Variants in PLD2 observed in about 807,000 individuals in gnomAD.
The protein encoded by PLD2 is phospholipase D2.
A neutral mutation model predicts 119.8 loss-of-function variants in PLD2; 101 were observed. That is an observed-to-expected ratio of 0.84 (90% CI 0.72 to 0.99). PLD2 has a LOEUF of 0.99. Ranked by LOEUF, PLD2 falls within the 50% of genes least tolerant of loss-of-function variation. The pLI, the probability that PLD2 is intolerant of heterozygous loss-of-function variation, is 0.00. For missense variants in PLD2, 1,164 were observed against 1,226.8 expected, an observed-to-expected ratio of 0.95 and a Z score of 0.76; for synonymous variants, 494 against 482.8, an observed-to-expected ratio of 1.02 and a Z score of -0.30.
Position 4,819,614 on chromosome 17 carries a change from A to G in PLD2, c.2462+32A>G, listed in dbSNP as rs780337754. 2 of 1,581,304 alleles carry G rather than the reference A, an allele frequency of 1.3e-6. No homozygotes were observed. The highest frequency in any genetic ancestry group is 1.7e-6 in the Non-Finnish European group (2 of 1,161,642). ...CTGGGGCGGGATGCCACAGGGTGGGAGGGAGATGGGGGCGTCTGCCTTTTG... is the reference window on the plus strand; with the variant it reads ...CTGGGGCGGGATGCCACAGGGTGGGGGGGAGATGGGGGCGTCTGCCTTTTG... On this transcript the variant is annotated intron_variant, in intron 23 of 24. Transcript: ENST00000263088. This position sits in a 1 kb window ranked among gnomAD's most constrained non-coding sequence, Gnocchi z 4.2.
intron 24 of PLD2, 67 bp from the exon 25 acceptor site, chr17:4,822,573 C>T (rs1186155564): frequency 9.1e-7 from 1 of 1,098,150 alleles, no homozygotes; most frequent in Admixed American, 1.8e-5. Context: ...GGGGTCTAGC[C>T]TAGTTGGACT....
At position 4,809,349 on chromosome 17, in the gene PLD2, A is replaced by G; in HGVS notation, c.541A>G (p.Asn181Asp). 2 of 1,613,976 alleles carry G rather than the reference A, an allele frequency of 1.2e-6. No individual in the cohort carries two copies. Among genetic ancestry groups the G allele is most frequent in the East Asian group, 4.5e-5 (2 of 44,872 alleles). ...TCTCTTGACCATGTCTTTCTATCGC[A>G]ACTACCATGCCATGGTAAGGTCCAG... is the stretch of plus-strand genomic sequence containing the variant. ...NRLLTMSFYRNYHAMTEFLEV... is the reference protein window; with the variant it reads ...NRLLTMSFYRDYHAMTEFLEV... The change falls in exon 6 of 25, where the codon AAC becomes GAC. Residue 181 changes from asparagine to aspartate, a missense_variant. Transcript: ENST00000263088.
At chr17:4,820,608 C>T (rs1169027532) in intron 23 of PLD2, among the ~76,000 whole-genome samples, 10 of 136,282 alleles carry the variant, frequency 7.3e-5, no homozygotes, top group Non-Finnish European at 1.4e-4. Context: ...GAGGGAGTCT[C>T]ACTGTCGCCC....
chr17:4,809,163 G>A lies in PLD2; in HGVS notation c.447G>A (p.Arg149=), dbSNP rs746815988. 2.5e-6 allele frequency: 4 copies of A among 1,614,186 alleles called. No homozygotes were observed. The Admixed American group carries it at 6.7e-5, about 27-fold the overall frequency. ...ACAGAGAGATGCCCTCTCTACCCCGGGCAGGTCCTGAGGGCTCCACCAGAC... is the reference window on the plus strand; with the variant it reads ...ACAGAGAGATGCCCTCTCTACCCCGAGCAGGTCCTGAGGGCTCCACCAGAC... The part of the protein sequence containing the change: ...AGNREMPSLP[R]AGPEGSTRHA... Residue 149 remains arginine (R), a synonymous_variant, in exon 5 of 25, where the codon CGG becomes CGA. Coordinates refer to ENST00000263088, the MANE Select transcript of PLD2 (RefSeq NM_002663.5).
chr17:4,811,524 C>T (rs889447500), intron 10 of PLD2, among the ~76,000 whole-genome samples: 1 of 152,188 alleles, frequency 6.6e-6, no homozygotes, highest in Middle Eastern at 3.4e-3. Context: ...GTGATCCGCC[C>T]GCCTCGGCCT....
chr17:4,807,539 C>CGGGGCGGGGGGCGG lies in PLD2; in HGVS notation c.-1-224_-1-211dup, dbSNP rs3081358. ...GTTCCCCGGGGCTCTGGTTACGGGA[C>CGGGGCGGGGGGCGG]GGGGCGGGGGGCGGGGGGCGGGACT... On this transcript the variant is annotated intron_variant, in intron 1 of 24. Transcript: ENST00000263088. The surrounding 1 kb of genome is among the most constrained non-coding windows in gnomAD (Gnocchi z 5.4). 16 of 370,826 alleles carry CGGGGCGGGGGGCGG rather than the reference C, an allele frequency of 4.3e-5. No individual in the cohort carries two copies. The highest frequency in any genetic ancestry group is 1.2e-4 in the Admixed American group (3 of 25,140). The allele number at this position is 370,826 out of a possible 1,614,324, so 23.0% of individuals were successfully genotyped here.
intron 24 of PLD2, among the ~76,000 whole-genome samples, 157 bp downstream of exon 24, chr17:4,822,064 C>A (rs928987809): frequency 6.6e-6 from 1 of 151,890 alleles, no homozygotes; most frequent in Non-Finnish European, 1.5e-5. Flanking sequence ...TGGCCCAGGC[C>A]GGGTGCAGTG....
rs777584661 is a variant in PLD2 at position 4,809,198 on chromosome 17, G to A, written c.482G>A (p.Ser161Asn). 28 of 1,613,976 alleles carry A rather than the reference G, an allele frequency of 1.7e-5. No homozygotes were observed. The highest frequency in any genetic ancestry group is 2.2e-5 in the Non-Finnish European group (26 of 1,179,914). Reference sequence around the variant, plus strand: ...GAGGGCTCCACCAGACATGCAGCCAGCAAACAGGTGGGACCAGATGCCAGG... The same window carrying A: ...GAGGGCTCCACCAGACATGCAGCCAACAAACAGGTGGGACCAGATGCCAGG... ...GPEGSTRHAASKQKYLENYLN... is the reference protein window; with the variant it reads ...GPEGSTRHAANKQKYLENYLN... The change falls in exon 5 of 25, where the codon AGC becomes AAC. Residue 161 changes from serine to asparagine, a missense_variant. Transcript: ENST00000263088.
At chr17:4,809,438 G>A in intron 6 of PLD2, 55 bp from the exon 7 acceptor site, 1 of 1,610,688 alleles carries the variant, frequency 6.2e-7, no homozygotes, top group Non-Finnish European at 8.5e-7. Flanking sequence ...GGGGCCCCAG[G>A]GTCTGAGGGG....
rs1432638859 is a variant in PLD2 at position 4,819,156 on chromosome 17, T to C, written c.2246T>C (p.Val749Ala). ...CACGGAGAGCTGGGCGGGCACCCCGTCTCGGAGCTCATCTACATCCACAGC... is the reference window on the plus strand; with the variant it reads ...CACGGAGAGCTGGGCGGGCACCCCGCCTCGGAGCTCATCTACATCCACAGC... The part of the protein sequence containing the change: ...RTHGELGGHP[V>A]SELIYIHSKV... Residue 749 changes from valine (V) to alanine (A), a missense_variant, in exon 22 of 25, where the codon GTC becomes GCC. Transcript: ENST00000263088. The surrounding 1 kb of genome is among the most constrained non-coding windows in gnomAD (Gnocchi z 4.2). 2 of 1,614,028 alleles carry C rather than the reference T, an allele frequency of 1.2e-6. No individual in the cohort carries two copies. The highest frequency in any genetic ancestry group is 1.7e-6 in the Non-Finnish European group (2 of 1,180,012).
rs1450903201 is a variant in PLD2 at position 4,809,683 on chromosome 17, T to C, written c.615-8T>C. On this transcript the variant is annotated splice_polypyrimidine_tract_variant and splice_region_variant and intron_variant, in intron 7 of 24. Coordinates refer to ENST00000263088, the MANE Select transcript of PLD2 (RefSeq NM_002663.5). ...CTCATCCCGCCTCTCTTCCTGATTG[T>C]CCCACAGGGAGGGGATGATCCGGAA... 4 of 1,613,894 alleles carry C rather than the reference T, an allele frequency of 2.5e-6. No individual in the cohort carries two copies. The highest frequency in any genetic ancestry group is 2.2e-5 in the East Asian group (1 of 44,892).
Position 4,817,850 on chromosome 17 carries a change from TAGG to T in PLD2, c.1816-148_1816-146del, listed in dbSNP as rs1907185148. 6.1e-5 allele frequency: 33 copies of T among 537,338 alleles called. 2 individuals carry two copies. The Middle Eastern group carries it at 1.9e-3, about 31-fold the overall frequency. 33.3% of individuals were successfully genotyped at this position (537,338 alleles called of 1,614,324 possible). A position where few individuals can be genotyped will look rare whatever the true frequency, so the allele number is the denominator to read the frequency against. On this transcript the variant is annotated intron_variant, in intron 17 of 24. Coordinates refer to ENST00000263088, the MANE Select transcript of PLD2 (RefSeq NM_002663.5). ...GTGCGTACCTGTAGTCCCAGCTACT[TAGG>T]AGGCTGAGGCAGGAGAATGGCGTGA...
chr17:4,815,926 G>GCCTCCCAGGTAAT lies in PLD2; in HGVS notation c.1450_1455+7dup, dbSNP rs1906925224. 6.2e-7 allele frequency: 1 copy of GCCTCCCAGGTAAT among 1,613,192 alleles called. No homozygotes were observed. The highest frequency in any genetic ancestry group is 2.2e-5 in the East Asian group (1 of 44,856). On this transcript the variant is annotated frameshift_variant, in exon 14 of 25. Transcript: ENST00000263088. LOFTEE classifies it high-confidence loss of function. ...CCTTGGAGACTCCTCTGAATCAGCTGCCTCCCAGGTAATCCCCCTGAGGCC... is the reference window on the plus strand; with the variant it reads ...CCTTGGAGACTCCTCTGAATCAGCTGCCTCCCAGGTAATCCTCCCAGGTAATCCCCCTGAGGCC...
intron 10 of PLD2, among the ~76,000 whole-genome samples, 189 bp downstream of exon 10, chr17:4,811,140 T>G (rs1042103695): frequency 3.3e-5 from 5 of 152,080 alleles, no homozygotes; most frequent in Non-Finnish European, 4.4e-5. Flanking sequence ...CGCGCCGACC[T>G]TTCTGACCCC....
At position 4,808,634 on chromosome 17, in the gene PLD2, C is replaced by G. The variant is rs1906120201; in HGVS notation, c.383+218C>G. ...GGCGGGATGCCCAAAATGCTCTTGGCAGCCTCACCCTTTTCTAGTCTCCAT... is the reference window on the plus strand; with the variant it reads ...GGCGGGATGCCCAAAATGCTCTTGGGAGCCTCACCCTTTTCTAGTCTCCAT... On this transcript the variant is annotated intron_variant, in intron 4 of 24. Coordinates refer to ENST00000263088, the MANE Select transcript of PLD2 (RefSeq NM_002663.5). The surrounding 1 kb of genome is among the most constrained non-coding windows in gnomAD (Gnocchi z 4.1). Among the ~76,000 whole-genome samples, 1 of 152,176 alleles carries G rather than the reference C, an allele frequency of 6.6e-6. No homozygotes were observed. Among genetic ancestry groups the G allele is most frequent in the African/African-American group, 2.4e-5 (1 of 41,432 alleles).
Position 4,808,794 on chromosome 17 carries a change from G to A in PLD2, c.384-306G>A, listed in dbSNP as rs916602014. On this transcript the variant is annotated intron_variant, in intron 4 of 24. Coordinates refer to ENST00000263088, the MANE Select transcript of PLD2 (RefSeq NM_002663.5). The surrounding 1 kb of genome is among the most constrained non-coding windows in gnomAD (Gnocchi z 4.1). ...TGATCTTGGCTCATGGCAACCTCCT[G>A]GGCTCAAGCAGTCCTCCCGTCTCAG... is the stretch of plus-strand genomic sequence containing the variant. Among the ~76,000 whole-genome samples the A allele has an allele frequency of 1.3e-5, 2 of 152,060 alleles. No individual in the cohort carries two copies. Among genetic ancestry groups the A allele is most frequent in the Admixed American group, 6.5e-5 (1 of 15,270 alleles).
chr17:4,809,785 T>C lies in PLD2; in HGVS notation c.707+2T>C, dbSNP rs779450045. The stretch of plus-strand genomic sequence containing the variant: ...AGTTTGTTATCGCTGGTCCAAGAGG[T>C]ACGGGCTATGGCCAAGCAGCTGGGC... On this transcript the variant is annotated splice_donor_variant, in intron 8 of 24. Transcript: ENST00000263088. LOFTEE classifies it high-confidence loss of function. The C allele has an allele frequency of 4.3e-6, 7 of 1,613,898 alleles. No individual in the cohort carries two copies. The South Asian group carries it at 7.7e-5, about 18-fold the overall frequency.
chr17:4,819,400 G>C lies in PLD2; in HGVS notation c.2309-29G>C. On this transcript the variant is annotated intron_variant, in intron 22 of 24. Transcript: ENST00000263088. The surrounding 1 kb of genome is among the most constrained non-coding windows in gnomAD (Gnocchi z 4.2). ...ACTGGGGAGAGTGCCCTGGGCCCAA[G>C]CACACAGTGTGCCCCGCATCCACCC... 1 of 1,611,362 alleles carries C rather than the reference G, an allele frequency of 6.2e-7. No individual in the cohort carries two copies. Among genetic ancestry groups the C allele is most frequent in the Non-Finnish European group, 8.5e-7 (1 of 1,178,734 alleles).
At chr17:4,818,858 C>T (rs1261245173) in intron 21 of PLD2, 35 bp downstream of exon 21, 1 of 1,605,728 alleles carries the variant, frequency 6.2e-7, no homozygotes, top group South Asian at 1.1e-5. Flanking sequence ...AAGCCCTGGG[C>T]CCCTGGGAGA....
Sources: allele counts gnomAD v4.1 joint callset (sites outside exome capture counted in the v4.1 genomes callset), GRCh38; gene constraint gnomAD v4.1.1; non-coding constraint Gnocchi (gnomAD v3.1); transcripts MANE v1.5; gene names NCBI Gene and HGNC (gene_info 2026-07-23, HGNC 2026-07-21).